The following TRIM71 variants were observed in gnomAD, a reference collection of about 807,000 sequenced individuals.
TRIM71 encodes the protein tripartite motif containing 71.
A neutral mutation model predicts 61.2 loss-of-function variants in TRIM71; 9 were observed. The ratio of observed to expected loss-of-function variants is 0.15; its 90% CI spans 0.09 to 0.26. TRIM71 has a LOEUF of 0.26. Ranked by LOEUF, TRIM71 falls within the 10% of genes least tolerant of loss-of-function variation. TRIM71 has a pLI of 1.00. For synonymous variants in TRIM71, 645 were observed against 553.2 expected, an observed-to-expected ratio of 1.17 and a Z score of -2.33; for missense variants, 998 against 1,238.7, an observed-to-expected ratio of 0.81 and a Z score of 2.92.
At position 32,890,951 on chromosome 3, in the gene TRIM71, G is replaced by A; in HGVS notation, c.1747G>A (p.Gly583Ser). 1 of 1,614,224 alleles carries A rather than the reference G, an allele frequency of 6.2e-7. No individual in the cohort carries two copies. Among genetic ancestry groups the A allele is most frequent in the Non-Finnish European group, 8.5e-7 (1 of 1,180,048 alleles). Reference sequence around the variant, plus strand: ...CCCTTTCAAGGTGGTGGTCAAGTCAGGCCGCAGCTACGTGGGCATTGGGCT... The same window carrying A: ...CCCTTTCAAGGTGGTGGTCAAGTCAAGCCGCAGCTACGTGGGCATTGGGCT... ...NSPFKVVVKS[G>S]RSYVGIGLPG... The change falls in exon 4 of 4, where the codon GGC becomes AGC. Residue 583 changes from glycine to serine, a missense_variant. Gly to Ser is a moderately conservative substitution (Grantham distance 56, BLOSUM62 0). This residue lies in a region of TRIM71 where 291 missense variants were observed against 431.2 expected (regional missense o/e 0.67). Coordinates refer to ENST00000383763, the MANE Select transcript of TRIM71 (RefSeq NM_001039111.3). The surrounding 1 kb of genome is among the most constrained non-coding windows in gnomAD (Gnocchi z 6.2).
At chr3:32,847,485 G>A (rs370682840) in intron 1 of TRIM71, among the ~76,000 whole-genome samples, 37 of 152,268 alleles carry the variant, frequency 2.4e-4, no homozygotes, top group African/African-American at 7.7e-4. Flanking sequence ...GTGAGCCACC[G>A]CACCCAGCCA....
At chr3:32,868,940 A>G (rs1002689601) in intron 1 of TRIM71, among the ~76,000 whole-genome samples, 2 of 152,134 alleles carry the variant, frequency 1.3e-5, no homozygotes, top group African/African-American at 4.8e-5. Context: ...GCTACAGGAG[A>G]GGCTTCTGCT....
chr3:32,867,269 G>A (rs1025110122), intron 1 of TRIM71, among the ~76,000 whole-genome samples: 3 of 151,906 alleles, frequency 2.0e-5, no homozygotes, highest in Non-Finnish European at 4.4e-5. Flanking sequence ...ACATGTGTAC[G>A]TTTAATACTG....
rs565358231 is a variant in TRIM71 at position 32,827,016 on chromosome 3, G to A, written c.852+8084G>A. 2.3e-3 allele frequency among the ~76,000 whole-genome samples: 354 copies of A among 151,992 alleles called. 1 individual carries two copies. Among genetic ancestry groups the A allele is most frequent in the Middle Eastern group, 0.014 (4 of 294 alleles). On this transcript the variant is annotated intron_variant, in intron 1 of 3. Transcript: ENST00000383763. ...CCTGACCTCATGATCCACCCGCCTC[G>A]GCCTCCCAAAGTGCTGGTATTAACA...
chr3:32,857,737 G>A (rs940820491), intron 1 of TRIM71, among the ~76,000 whole-genome samples: 2 of 152,194 alleles, frequency 1.3e-5, no homozygotes, highest in Non-Finnish European at 2.9e-5. Context: ...TCAGGAGGCC[G>A]ACGCAGGTGG....
chr3:32,865,815 CTTTTTTTTTTTT>C (rs139123002), intron 1 of TRIM71, among the ~76,000 whole-genome samples: 225 of 16,266 alleles, frequency 0.014, 2 homozygotes, highest in African/African-American at 0.044. Flanking sequence ...CCCGCCCCAC[CTTTTTTTTTTTT>C]TTTTTTTTTT....
In TRIM71 at chr3:32,897,037, G is replaced by A. The variant is rs1697086873; in HGVS notation, c.*5226G>A. 1 of 119,810 alleles carries A rather than the reference G, an allele frequency of 8.3e-6. No individual in the cohort carries two copies. Among genetic ancestry groups the A allele is most frequent in the African/African-American group, 3.2e-5 (1 of 31,134 alleles). The allele number at this position is 119,810 out of a possible 1,614,324, so 7.4% of individuals were successfully genotyped here. A position where few individuals can be genotyped will look rare whatever the true frequency, so the allele number is the denominator to read the frequency against. On this transcript the variant is annotated 3_prime_UTR_variant, in exon 4 of 4. Transcript: ENST00000383763. ...TGCAGGTAAGGGTGGGTGGGTAAGG[G>A]GTGTTGTTTTTTAACTAGCATGTTA...
intron 1 of TRIM71, among the ~76,000 whole-genome samples, chr3:32,848,971 T>C (rs1259528917): frequency 6.6e-6 from 1 of 151,904 alleles, no homozygotes; most frequent in African/African-American, 2.4e-5. Context: ...GGGTCTAGGG[T>C]TGGAGAGAGG....
chr3:32,870,908 G>A (rs1696788490), intron 1 of TRIM71, among the ~76,000 whole-genome samples: 1 of 151,830 alleles, frequency 6.6e-6, no homozygotes, highest in Non-Finnish European at 1.5e-5. Context: ...AACTTCTTAG[G>A]CTCAAGGAAT....
intron 1 of TRIM71, among the ~76,000 whole-genome samples, chr3:32,866,804 C>T (rs769164814): frequency 1.1e-4 from 17 of 152,040 alleles, no homozygotes; most frequent in African/African-American, 2.2e-4. Flanking sequence ...CAGGGGCTTG[C>T]GAGGTGTGGT....
At chr3:32,863,598 A>G (rs1696698211) in intron 1 of TRIM71, among the ~76,000 whole-genome samples, 1 of 152,158 alleles carries the variant, frequency 6.6e-6, no homozygotes, top group Non-Finnish European at 1.5e-5. Flanking sequence ...AAATGGAGTT[A>G]TGCAATATAT....
intron 1 of TRIM71, among the ~76,000 whole-genome samples, chr3:32,868,409 A>T (rs1696761726): frequency 6.6e-6 from 1 of 152,240 alleles, no homozygotes; most frequent in African/African-American, 2.4e-5. Flanking sequence ...AAGAACAAGG[A>T]TGTTAACTGT....
chr3:32,889,669 A>AC (rs909316518), intron 3 of TRIM71, among the ~76,000 whole-genome samples: 27 of 149,972 alleles, frequency 1.8e-4, no homozygotes, highest in Non-Finnish European at 3.6e-4. Context: ...ACTCACTGCA[A>AC]CCTCCGCCTC....
At chr3:32,881,148 A>G (rs1696903472) in intron 2 of TRIM71, among the ~76,000 whole-genome samples, 1 of 151,862 alleles carries the variant, frequency 6.6e-6, no homozygotes, top group Admixed American at 6.6e-5. Context: ...CCTCCTGAGT[A>G]GTTGGGATTA....
At chr3:32,826,768 G>C (rs914717001) in intron 1 of TRIM71, among the ~76,000 whole-genome samples, 5 of 151,082 alleles carry the variant, frequency 3.3e-5, no homozygotes, top group Non-Finnish European at 7.4e-5. Flanking sequence ...TGTTTTGTTT[G>C]TTTTTTTGAG....
chr3:32,827,100 G>T (rs1336304526), intron 1 of TRIM71, among the ~76,000 whole-genome samples: 1 of 151,928 alleles, frequency 6.6e-6, no homozygotes, highest in Non-Finnish European at 1.5e-5. Flanking sequence ...TAAATTATCA[G>T]TTGGCACAAA....
intron 1 of TRIM71, among the ~76,000 whole-genome samples, chr3:32,842,864 T>G (rs1696424875): frequency 6.6e-6 from 1 of 152,150 alleles, no homozygotes; most frequent in Non-Finnish European, 1.5e-5. Context: ...CTTCCTTCCC[T>G]GGGAGTTTTA....
intron 1 of TRIM71, among the ~76,000 whole-genome samples, chr3:32,865,964 T>C (rs1306638776): frequency 1.3e-5 from 2 of 151,512 alleles, no homozygotes; most frequent in African/African-American, 4.9e-5. Flanking sequence ...GTAGTTGAGA[T>C]TACTGATGCC....
At chr3:32,873,656 T>TA (rs1452559332) in intron 1 of TRIM71, among the ~76,000 whole-genome samples, 162 bp from the exon 2 acceptor site, 1 of 152,146 alleles carries the variant, frequency 6.6e-6, no homozygotes, top group Non-Finnish European at 1.5e-5. Flanking sequence ...TATTTTTAGT[T>TA]ATGTTTGCAG....
Sources: allele counts gnomAD v4.1 joint callset (sites outside exome capture counted in the v4.1 genomes callset), GRCh38; gene constraint gnomAD v4.1.1; regional missense constraint gnomAD v4.1.1; non-coding constraint Gnocchi (gnomAD v3.1); transcripts MANE v1.5; gene names NCBI Gene and HGNC (gene_info 2026-07-23, HGNC 2026-07-21).